The following SKP2 variants were observed in gnomAD, a reference collection of about 807,000 sequenced individuals.
SKP2 encodes the protein S-phase kinase-associated protein 2.
A neutral mutation model predicts 51.8 loss-of-function variants in SKP2; 16 were observed. The observed-to-expected ratio is 0.31, with a 90% CI of 0.21 to 0.47. The LOEUF (loss-of-function observed/expected upper bound fraction) is 0.47, where lower values mean the gene tolerates loss of function less well. Ranked by LOEUF, SKP2 falls within the 20% of genes least tolerant of loss-of-function variation. The probability of loss-of-function intolerance (pLI) is 1.00; values close to 1 mark genes in which losing one functional copy is unlikely to be tolerated. For synonymous variants in SKP2, 176 were observed against 198.6 expected (o/e 0.89, Z 0.96); for missense variants, 377 against 505.3 (o/e 0.75, Z 2.43).
At chr5:36,172,197 C>A (rs909001335) in intron 7 of SKP2, among the ~76,000 whole-genome samples, 4 of 152,114 alleles carry the variant, frequency 2.6e-5, no homozygotes, top group Non-Finnish European at 5.9e-5. Context: ...TGCTGGTGGA[C>A]GGTGTATAGG....
chr5:36,163,313 C>G (rs150742115), intron 2 of SKP2, among the ~76,000 whole-genome samples: 1 of 152,228 alleles, frequency 6.6e-6, no homozygotes, highest in African/African-American at 2.4e-5. Flanking sequence ...GCCACAGCCT[C>G]CGATTGGCTG....
chr5:36,168,504 T>C, intron 5 of SKP2, 57 bp downstream of exon 5: 1 of 1,551,714 alleles, frequency 6.4e-7, no homozygotes. Flanking sequence ...TGAATTTTTT[T>C]CCCTGTATAT....
At chr5:36,166,724 G>GAT in intron 4 of SKP2, 62 bp downstream of exon 4, 1 of 1,011,980 alleles carries the variant, frequency 9.9e-7, no homozygotes, top group Non-Finnish European at 1.4e-6. Context: ...ACAGATCAAA[G>GAT]CTTTTTTTTT....
At chr5:36,190,118 C>CA (rs1745993500) in intron 6 of SKP2, among the ~76,000 whole-genome samples, 1 of 152,166 alleles carries the variant, frequency 6.6e-6, no homozygotes, top group Admixed American at 6.5e-5. Context: ...TGCCATCTCT[C>CA]ACAGCTTCCC....
At position 36,182,284 on chromosome 5, in the gene SKP2, A is replaced by G. The variant is rs940005240; in HGVS notation, c.*253A>G. The G allele has an allele frequency of 2.4e-6, 3 of 1,239,090 alleles. No individual in the cohort carries two copies. The highest frequency in any genetic ancestry group is 3.8e-5 in the Admixed American group (1 of 26,644). 76.8% of individuals were successfully genotyped at this position (1,239,090 alleles called of 1,614,324 possible). On this transcript the variant is annotated 3_prime_UTR_variant, in exon 10 of 10. Transcript: ENST00000274255. Reference sequence around the variant, plus strand: ...TGAAATTTTAGGAGAGTGAGCCTATAATTTCAAGATACCTTAAAGAGCAAA... The same window carrying G: ...TGAAATTTTAGGAGAGTGAGCCTATGATTTCAAGATACCTTAAAGAGCAAA...
chr5:36,188,119 G>A (rs918415645), downstream of SKP2, among the ~76,000 whole-genome samples: 4 of 152,196 alleles, frequency 2.6e-5, no homozygotes, highest in African/African-American at 9.6e-5. Context: ...TTGAGCTTAT[G>A]TGTATCTCTG....
At chr5:36,181,718 T>C in intron 9 of SKP2, 100 bp from the exon 10 acceptor site, 1 of 1,231,772 alleles carries the variant, frequency 8.1e-7, no homozygotes. Flanking sequence ...TCAGACTGCA[T>C]TTTGTAGATG....
chr5:36,192,817 T>C (rs1579586859), intron 7 of SKP2: 2 of 152,296 alleles, frequency 1.3e-5, no homozygotes. Flanking sequence ...AAACATAACA[T>C]TTTGTGAAAA....
At chr5:36,184,962 G>T (rs919425577), downstream of SKP2, among the ~76,000 whole-genome samples, 3 of 152,134 alleles carry the variant, frequency 2.0e-5, no homozygotes, top group Non-Finnish European at 4.4e-5. Flanking sequence ...ATTCTAACTG[G>T]TGTGAGATGG....
intron 8 of SKP2, 54 bp downstream of exon 8, chr5:36,177,070 A>T (rs1745658505): frequency 2.1e-6 from 3 of 1,401,526 alleles, no homozygotes; most frequent in East Asian, 4.6e-5. Flanking sequence ...TTGATTTCTC[A>T]TTAAATTGGG....
intron 2 of SKP2, among the ~76,000 whole-genome samples, chr5:36,157,473 CAAA>C (rs1474730490): frequency 6.6e-6 from 1 of 151,650 alleles, no homozygotes; most frequent in East Asian, 1.9e-4. Context: ...CCACCTTAGC[CAAA>C]AAAACAAAAA....
chr5:36,182,124 T>C lies in SKP2; in HGVS notation c.*93T>C. 1 of 1,508,170 alleles carries C rather than the reference T, an allele frequency of 6.6e-7. No homozygotes were observed. Among genetic ancestry groups the C allele is most frequent in the Non-Finnish European group, 8.9e-7 (1 of 1,127,612 alleles). 93.4% of individuals were successfully genotyped at this position (1,508,170 alleles called of 1,614,324 possible). ...AGTACTTAGCTAGTTTTATTCTTGG[T>C]TTTCCCTTTGCCTTCATTCTGCAAG... On this transcript the variant is annotated 3_prime_UTR_variant, in exon 10 of 10. Transcript: ENST00000274255.
At chr5:36,185,363 G>T (rs1345904194), downstream of SKP2, among the ~76,000 whole-genome samples, 1 of 152,118 alleles carries the variant, frequency 6.6e-6, no homozygotes, top group South Asian at 2.1e-4. Context: ...GTATTGCCTA[G>T]GTTTTCTTCT....
chr5:36,168,206 T>A (rs1745351046), intron 4 of SKP2, 107 bp from the exon 5 acceptor site: 2 of 972,388 alleles, frequency 2.1e-6, no homozygotes, highest in East Asian at 4.8e-5. Context: ...GTATTTAGAG[T>A]CTTGTTTGTG....
chr5:36,170,494 A>G (rs762279007), intron 6 of SKP2, 52 bp downstream of exon 6: 10 of 1,056,658 alleles, frequency 9.5e-6, no homozygotes, highest in Non-Finnish European at 5.8e-6. Flanking sequence ...ACGTAAAATT[A>G]TCCCTCACAT....
intron 2 of SKP2, among the ~76,000 whole-genome samples, chr5:36,160,596 C>T (rs900226491): frequency 1.3e-5 from 2 of 152,134 alleles, no homozygotes; most frequent in African/African-American, 4.8e-5. Context: ...GATGACTATA[C>T]TTATAGCTAA....
intron 2 of SKP2, among the ~76,000 whole-genome samples, chr5:36,154,084 C>A (rs180979176): frequency 1.2e-4 from 18 of 152,214 alleles, no homozygotes; most frequent in Admixed American, 9.2e-4. Context: ...AACACAATAA[C>A]TATTTTTATA....
At chr5:36,188,339 A>G (rs1255500205), downstream of SKP2, among the ~76,000 whole-genome samples, 1 of 152,106 alleles carries the variant, frequency 6.6e-6, no homozygotes, top group East Asian at 1.9e-4. Context: ...GGTCTTTACA[A>G]TTTGGCATGT....
Position 36,170,411 on chromosome 5 carries a change from G to A in SKP2, c.739G>A (p.Ala247Thr), listed in dbSNP as rs201242885. 9.3e-6 allele frequency: 15 copies of A among 1,612,732 alleles called. No homozygotes were observed. Among genetic ancestry groups the A allele is most frequent in the East Asian group, 4.5e-5 (2 of 44,844 alleles). ...LSGCSGFSEF[A>T]LQTLLSSCSR... The stretch of plus-strand genomic sequence containing the variant: ...TGGGTGTTCTGGATTCTCTGAATTT[G>A]CCCTGCAGACTTTGCTAAGCAGCTG... The change falls in exon 6 of 10, where the codon GCC becomes ACC. Residue 247 changes from alanine to threonine, a missense_variant. Ala to Thr is a moderately conservative substitution (Grantham distance 58, BLOSUM62 0). Transcript: ENST00000274255.
Sources: gnomAD v4.1 joint callset for allele counts (sites outside exome capture counted in the v4.1 genomes callset) on GRCh38, gnomAD v4.1.1 for gene constraint, MANE v1.5 for transcripts, NCBI Gene and HGNC (gene_info 2026-07-23, HGNC 2026-07-21) for gene names.